Variants in LRRN3 observed in about 807,000 individuals in gnomAD.
LRRN3 encodes leucine-rich repeat neuronal protein 3.
Under a neutral mutation model 40.1 loss-of-function variants are expected in LRRN3, and 15 were observed. The ratio of observed to expected loss-of-function variants is 0.37; its 90% confidence interval spans 0.25 to 0.58. LRRN3 has a LOEUF of 0.58. Among genes scored for constraint, LRRN3 ranks in the 20% least tolerant of loss-of-function variants. The pLI is 0.72. For missense variants in LRRN3, 746 were observed against 837.7 expected (o/e 0.89, Z 1.35); for synonymous variants, 308 against 297.2 (o/e 1.04, Z -0.37).
rs146567550 is a variant in LRRN3, at chr7:111,124,025, T to C, written c.1253T>C (p.Ile418Thr). 7 of 1,613,954 alleles carry C rather than the reference T, an allele frequency of 4.3e-6. No individual in the cohort carries two copies. The highest frequency in any genetic ancestry group is 2.2e-5 in the South Asian group (2 of 91,088). The change falls in exon 3 of 3, where the codon ATT (isoleucine) becomes ACT (threonine). Residue 418 changes from isoleucine to threonine, a missense_variant. Transcript: ENST00000308478. The stretch of plus-strand genomic sequence containing the variant: ...GTGCATTTCAGGGACATGATGGAAA[T>C]TTGTCTCCCTCTTATAGCTCCTGAG... ...RQVHFRDMME[I>T]CLPLIAPESF...
At chr7:111,106,270 T>C (rs995049462) in intron 2 of LRRN3, among the ~76,000 whole-genome samples, 1 of 151,916 alleles carries the variant, frequency 6.6e-6, no homozygotes, top group Admixed American at 6.6e-5. Context: ...GTGGAACAAT[T>C]GAAGCACAAG....
intron 2 of LRRN3, among the ~76,000 whole-genome samples, chr7:111,120,245 G>A (rs575275358): frequency 5.3e-5 from 8 of 152,188 alleles, no homozygotes; most frequent in Middle Eastern, 3.4e-3. Context: ...ACATATCCAA[G>A]ACTGAGTAAT....
chr7:111,121,910 G>C (rs1041562124), intron 2 of LRRN3, among the ~76,000 whole-genome samples: 2 of 152,116 alleles, frequency 1.3e-5, no homozygotes, highest in African/African-American at 4.8e-5. Flanking sequence ...AAAAAATGAT[G>C]AGTTCATGTC....
chr7:111,123,118 C>T lies in LRRN3; in HGVS notation c.346C>T (p.Pro116Ser). The change falls in exon 3 of 3, where the codon CCT (proline) becomes TCT (serine). Residue 116 changes from proline (P) to serine (S), a missense_variant. Transcript: ENST00000308478. The surrounding 1 kb of genome is among the most constrained non-coding windows in gnomAD (Gnocchi z 6.4). ...CACCAATATTAATGTAAAAAAGATG[C>T]CTCAGCTCCTTTCTGTGTACCTAGA... ...SVTNINVKKMPQLLSVYLEEN... is the reference protein window; with the variant it reads ...SVTNINVKKMSQLLSVYLEEN... 3 of 1,613,654 alleles carry T rather than the reference C, an allele frequency of 1.9e-6. No individual in the cohort carries two copies. Among genetic ancestry groups the T allele is most frequent in the South Asian group, 1.1e-5 (1 of 91,064 alleles).
At chr7:111,094,038 T>C (rs1797144004) in intron 1 of LRRN3, among the ~76,000 whole-genome samples, 1 of 152,150 alleles carries the variant, frequency 6.6e-6, no homozygotes, top group South Asian at 2.1e-4. Flanking sequence ...GGTGATCAAC[T>C]TATGATGCAC....
At chr7:111,091,579 A>G (rs1170814394) in intron 1 of LRRN3, 75 bp downstream of exon 1, 1 of 152,142 alleles carries the variant, frequency 6.6e-6, no homozygotes, top group Non-Finnish European at 1.5e-5. Context: ...TTTTACACCT[A>G]AATCCTCCTT....
intron 2 of LRRN3, among the ~76,000 whole-genome samples, chr7:111,108,646 C>A (rs1469485398): frequency 1.3e-5 from 2 of 151,922 alleles, no homozygotes; most frequent in Non-Finnish European, 2.9e-5. Context: ...TTTAATTATA[C>A]CCTTCTAAAG....
intron 2 of LRRN3, among the ~76,000 whole-genome samples, chr7:111,108,015 T>C (rs369909867): frequency 5.9e-5 from 9 of 152,300 alleles, no homozygotes; most frequent in African/African-American, 2.2e-4. Context: ...TAACCGAGTA[T>C]ATATGGCTTT....
chr7:111,097,121 G>A (rs1202814835), intron 1 of LRRN3: 1 of 151,824 alleles, frequency 6.6e-6, no homozygotes, highest in Non-Finnish European at 1.5e-5. Flanking sequence ...AAGGCCCACT[G>A]AATCAGTTAA....
At chr7:111,100,414 AT>A (rs550434726) in intron 2 of LRRN3, among the ~76,000 whole-genome samples, 132 of 148,262 alleles carry the variant, frequency 8.9e-4, no homozygotes, top group African/African-American at 3.1e-3. Flanking sequence ...CTTAAACTTT[AT>A]ATATAATAAA....
chr7:111,095,738 A>G (rs1322439914), intron 1 of LRRN3, among the ~76,000 whole-genome samples: 1 of 151,984 alleles, frequency 6.6e-6, no homozygotes, highest in African/African-American at 2.4e-5. Context: ...GGCTTTCCAC[A>G]TCTGTTTTTA....
In LRRN3 at chr7:111,122,717, A is replaced by G. The variant is rs1009396482; in HGVS notation, c.-56A>G. The stretch of plus-strand genomic sequence containing the variant: ...TCAATCAGCTCCTATTGAACTTACT[A>G]GCACTGACTGTGGAATCCTTAAGGG... On this transcript the variant is annotated 5_prime_UTR_variant, in exon 3 of 3. Coordinates refer to ENST00000308478, the MANE Select transcript of LRRN3 (RefSeq NM_001099658.2). The G allele has an allele frequency of 1.5e-6, 2 of 1,373,550 alleles. No individual in the cohort carries two copies. Among genetic ancestry groups the G allele is most frequent in the African/African-American group, 1.4e-5 (1 of 69,374 alleles). 85.1% of individuals were successfully genotyped at this position (1,373,550 alleles called of 1,614,324 possible).
intron 2 of LRRN3, among the ~76,000 whole-genome samples, chr7:111,106,714 A>C (rs945887098): frequency 6.8e-6 from 1 of 147,886 alleles, no homozygotes; most frequent in African/African-American, 2.5e-5. Context: ...GGATGCACAT[A>C]AAAACTGCCC....
At chr7:111,112,415 C>G (rs1273430417) in intron 2 of LRRN3, among the ~76,000 whole-genome samples, 1 of 152,168 alleles carries the variant, frequency 6.6e-6, no homozygotes, top group African/African-American at 2.4e-5. Flanking sequence ...CTCATATTAA[C>G]CATTTAACAC....
chr7:111,122,506 T>TC lies in LRRN3; in HGVS notation c.-266dup. The TC allele has an allele frequency of 7.4e-6, 3 of 404,922 alleles. No individual in the cohort carries two copies. The Admixed American group carries it at 1.2e-4, about 17-fold the overall frequency. 25.1% of individuals were successfully genotyped at this position (404,922 alleles called of 1,614,324 possible). On this transcript the variant is annotated 5_prime_UTR_variant, in exon 3 of 3. The change creates a premature stop within an existing upstream ORF in the 5' untranslated region. Transcript: ENST00000308478. ...TGAATTACTCAATCTCCTATGACCA[T>TC]CTATACATACTCCACCTTCAAAAAG...
Position 111,124,958 on chromosome 7 carries a change from A to C in LRRN3, c.*59A>C. ...AAAAAAAAAAAAAGCGAAAGACTGC[A>C]GTTGTGCTAAAAACAAAACAAAACA... is the stretch of plus-strand genomic sequence containing the variant. On this transcript the variant is annotated 3_prime_UTR_variant, in exon 3 of 3. Transcript: ENST00000308478. 8.5e-7 allele frequency: 1 copy of C among 1,180,614 alleles called. No individual in the cohort carries two copies. Among genetic ancestry groups the C allele is most frequent in the Non-Finnish European group, 1.2e-6 (1 of 841,468 alleles). The allele number at this position is 1,180,614 out of a possible 1,614,324, so 73.1% of individuals were successfully genotyped here.
In LRRN3 at chr7:111,108,050, A is replaced by ATTG. The variant is rs373206894; in HGVS notation, c.-359+8103_-359+8105dup. Among the ~76,000 whole-genome samples the ATTG allele has an allele frequency of 4.3e-4, 65 of 151,940 alleles. No individual in the cohort carries two copies. In the South Asian group the frequency reaches 0.013, roughly 30 times the overall value. On this transcript the variant is annotated intron_variant, in intron 2 of 2. Coordinates refer to ENST00000308478, the MANE Select transcript of LRRN3 (RefSeq NM_001099658.2). ...TCTTTACAATACTGTTTTTGTTTTT[A>ATTG]TTGTTGTTGTTGTTGTTTTCTCCTA...
chr7:111,123,498 T>C lies in LRRN3; in HGVS notation c.726T>C (p.Ser242=). The C allele has an allele frequency of 1.2e-6, 2 of 1,613,890 alleles. No individual in the cohort carries two copies. Among genetic ancestry groups the C allele is most frequent in the Non-Finnish European group, 1.7e-6 (2 of 1,179,928 alleles). The change falls in exon 3 of 3, where the codon TCT becomes TCC. Residue 242 remains serine (S), a synonymous_variant. Transcript: ENST00000308478. The surrounding 1 kb of genome is among the most constrained non-coding windows in gnomAD (Gnocchi z 6.4). ...GACTGGAAAACTTAGAAAGCATCTC[T>C]TTTTACGATAACAGGCTTATTAAAG... The part of the protein sequence containing the change: ...LVGLENLESI[S]FYDNRLIKVP...
rs150122778 is a variant in LRRN3, at chr7:111,103,690, T to C, written c.-359+3728T>C. Among the ~76,000 whole-genome samples the C allele has an allele frequency of 1.2e-3, 180 of 151,854 alleles. No individual in the cohort carries two copies. The East Asian group carries it at 0.013, about 11-fold the overall frequency. On this transcript the variant is annotated intron_variant, in intron 2 of 2. Coordinates refer to ENST00000308478, the MANE Select transcript of LRRN3 (RefSeq NM_001099658.2). ...TCCGTATGATGACTTCTTAATATGATAGTGATTAACATTTAGTAACCACTC... is the reference window on the plus strand; with the variant it reads ...TCCGTATGATGACTTCTTAATATGACAGTGATTAACATTTAGTAACCACTC...
Sources: gnomAD v4.1 joint callset for allele counts (sites outside exome capture counted in the v4.1 genomes callset) on GRCh38, gnomAD v4.1.1 for gene constraint, Gnocchi (gnomAD v3.1) non-coding constraint, MANE v1.5 for transcripts, NCBI Gene and HGNC (gene_info 2026-07-23, HGNC 2026-07-21) for gene names.